NPAS3: variants seen among roughly 807,000 people sequenced by gnomAD.
The protein encoded by NPAS3 is neuronal PAS domain protein 3.
In NPAS3, 14 loss-of-function variants were observed where a neutral mutation model predicts 73.1. That is an observed-to-expected ratio of 0.19 (90% CI 0.13 to 0.30). The LOEUF (loss-of-function observed/expected upper bound fraction) is 0.30. NPAS3 is among the 10% of genes least tolerant of loss of function. The pLI, the probability that NPAS3 is intolerant of heterozygous loss-of-function variation, is 1.00. For synonymous variants in NPAS3, 620 were observed against 541.5 expected (o/e 1.14, Z -2.01); for missense variants, 1,096 against 1,250.0 (o/e 0.88, Z 1.86).
intron 7 of NPAS3, among the ~76,000 whole-genome samples, chr14:33,747,604 G>A (rs934618396): frequency 3.9e-5 from 6 of 152,188 alleles, no homozygotes; most frequent in African/African-American, 7.2e-5. Context: ...TACATCTAGG[G>A]AAGAAGCTTT....
chr14:33,133,804 CATGAT>C (rs898753240), intron 2 of NPAS3, among the ~76,000 whole-genome samples: 4 of 151,994 alleles, frequency 2.6e-5, no homozygotes, highest in African/African-American at 7.2e-5. Flanking sequence ...TTCTTGGTGA[CATGAT>C]ATAGTGTCCA....
chr14:33,774,592 C>T (rs2062754864), intron 8 of NPAS3, 62 bp downstream of exon 8: 1 of 1,378,630 alleles, frequency 7.3e-7, no homozygotes, highest in South Asian at 1.3e-5. Flanking sequence ...GGTTGTGTTT[C>T]AGCCGTCTGA....
At chr14:33,349,246 G>A (rs1316068) in intron 3 of NPAS3, among the ~76,000 whole-genome samples, 3 of 152,168 alleles carry the variant, frequency 2.0e-5, no homozygotes, top group South Asian at 4.1e-4. Context: ...GTTTTTCCTA[G>A]CCTATTTATA....
chr14:32,942,073 T>C (rs1407487852), intron 1 of NPAS3, among the ~76,000 whole-genome samples: 1 of 152,224 alleles, frequency 6.6e-6, no homozygotes, highest in East Asian at 1.9e-4. Context: ...AACTTGTTGG[T>C]TAACAAGTAT....
chr14:33,783,876 A>T (rs1211208868), intron 9 of NPAS3, among the ~76,000 whole-genome samples: 1 of 152,212 alleles, frequency 6.6e-6, no homozygotes, highest in Non-Finnish European at 1.5e-5. Flanking sequence ...AGACCATACT[A>T]GTCTTTAGAC....
At chr14:33,384,039 C>T (rs2046671317) in intron 4 of NPAS3, among the ~76,000 whole-genome samples, 1 of 152,014 alleles carries the variant, frequency 6.6e-6, no homozygotes, top group South Asian at 2.1e-4. Context: ...CTGTGTTTGG[C>T]TTTGTTGTTT....
chr14:33,126,943 T>C (rs1323684760), intron 2 of NPAS3, among the ~76,000 whole-genome samples: 3 of 152,130 alleles, frequency 2.0e-5, no homozygotes, highest in Non-Finnish European at 2.9e-5. Context: ...AGAAATAAAA[T>C]ATATATCTCT....
intron 3 of NPAS3, among the ~76,000 whole-genome samples, chr14:33,299,489 T>G (rs961521340): frequency 1.3e-5 from 2 of 152,128 alleles, no homozygotes; most frequent in African/African-American, 4.8e-5. Flanking sequence ...TGAGCTTGAC[T>G]TGAAGCCCAC....
chr14:33,566,393 G>A (rs533745759), intron 5 of NPAS3, among the ~76,000 whole-genome samples: 19 of 152,100 alleles, frequency 1.2e-4, no homozygotes, highest in Non-Finnish European at 2.5e-4. Context: ...AGGATCCTTG[G>A]GGGAAAAAGT....
intron 11 of NPAS3, among the ~76,000 whole-genome samples, chr14:33,799,161 TAATAAA>T (rs1338306356): frequency 6.6e-6 from 1 of 151,604 alleles, no homozygotes; most frequent in African/African-American, 2.4e-5. Flanking sequence ...TAATAATAAA[TAATAAA>T]AATAAAGATA....
intron 3 of NPAS3, among the ~76,000 whole-genome samples, chr14:33,304,862 C>T (rs1273919253): frequency 6.6e-6 from 1 of 152,044 alleles, no homozygotes; most frequent in African/African-American, 2.4e-5. Flanking sequence ...ATAAGTTTTA[C>T]ATATATGAAG....
At chr14:33,352,738 A>G (rs1305653380) in intron 3 of NPAS3, among the ~76,000 whole-genome samples, 3 of 152,232 alleles carry the variant, frequency 2.0e-5, no homozygotes, top group African/African-American at 7.2e-5. Flanking sequence ...AGCTAGACAT[A>G]TGCTGATACT....
At chr14:33,787,045 T>TC (rs35758464) in intron 9 of NPAS3, among the ~76,000 whole-genome samples, 72 of 150,814 alleles carry the variant, frequency 4.8e-4, no homozygotes, top group East Asian at 2.3e-3. Flanking sequence ...TATAACAAAT[T>TC]CCCCCCCCAA....
chr14:33,338,956 A>G (rs910324370), intron 3 of NPAS3, among the ~76,000 whole-genome samples: 3 of 152,210 alleles, frequency 2.0e-5, no homozygotes, highest in Non-Finnish European at 4.4e-5. Flanking sequence ...TAATAATAAC[A>G]TAACTCATTA....
intron 4 of NPAS3, among the ~76,000 whole-genome samples, chr14:33,495,444 A>C (rs2052128206): frequency 6.6e-6 from 1 of 152,078 alleles, no homozygotes; most frequent in East Asian, 1.9e-4. Context: ...AAGAATGTAT[A>C]TTCTCTTGAT....
At chr14:33,562,014 A>C (rs1229171461) in intron 5 of NPAS3, among the ~76,000 whole-genome samples, 1 of 152,172 alleles carries the variant, frequency 6.6e-6, no homozygotes, top group Non-Finnish European at 1.5e-5. Flanking sequence ...TGGCCAAAAG[A>C]ATATTAGCTC....
At chr14:33,464,723 T>C (rs1250312390) in intron 4 of NPAS3, among the ~76,000 whole-genome samples, 1 of 152,192 alleles carries the variant, frequency 6.6e-6, no homozygotes, top group African/African-American at 2.4e-5. Flanking sequence ...GATTGTTCTT[T>C]GATTTATGGT....
rs1323858561 is a variant in NPAS3, at chr14:33,800,599, C to T, written c.2292C>T (p.Gly764=). ...GGGACAAGCACCCCGGGAACGGCGG[C>T]GGGGGCGGGGGCGGGGGCGGCGGCG... Residue 764 remains glycine, a synonymous_variant, in exon 12 of 12, where the codon GGC becomes GGT. Transcript: ENST00000356141. This position sits in a 1 kb window ranked among gnomAD's most constrained non-coding sequence, Gnocchi z 6.5. The T allele has an allele frequency of 1.0e-5, 13 of 1,287,572 alleles. No homozygotes were observed. Among genetic ancestry groups the T allele is most frequent in the Non-Finnish European group, 1.2e-5 (12 of 1,022,882 alleles). The allele number at this position is 1,287,572 out of a possible 1,614,324, so 79.8% of individuals were successfully genotyped here. A position where few individuals can be genotyped will look rare whatever the true frequency, so the allele number is the denominator to read the frequency against.
At chr14:32,995,480 A>G (rs1303311498) in intron 1 of NPAS3, among the ~76,000 whole-genome samples, 2 of 152,208 alleles carry the variant, frequency 1.3e-5, no homozygotes, top group Non-Finnish European at 2.9e-5. Flanking sequence ...TGGCCTCTTT[A>G]AAAGCTTCCA....
Sources: gnomAD v4.1 joint callset for allele counts (sites outside exome capture counted in the v4.1 genomes callset) on GRCh38, gnomAD v4.1.1 for gene constraint, Gnocchi (gnomAD v3.1) non-coding constraint, MANE v1.5 for transcripts, NCBI Gene and HGNC (gene_info 2026-07-23, HGNC 2026-07-21) for gene names.